Variants in CAMTA1 observed in about 807,000 individuals in gnomAD.
CAMTA1 encodes calmodulin binding transcription activator 1, also known as calmodulin-binding transcription activator 1.
In CAMTA1, 27 loss-of-function variants were observed where a neutral mutation model predicts 170.9. That is an observed-to-expected ratio of 0.16 (90% CI 0.12 to 0.22). The LOEUF (loss-of-function observed/expected upper bound fraction) is 0.22. Ranked by LOEUF, CAMTA1 falls within the 10% of genes least tolerant of loss-of-function variation. The pLI is 1.00. For missense variants in CAMTA1, 1,619 were observed against 2,217.2 expected, an observed-to-expected ratio of 0.73 and a Z score of 5.42; for synonymous variants, 833 against 891.5, an observed-to-expected ratio of 0.93 and a Z score of 1.17.
intron 6 of CAMTA1, among the ~76,000 whole-genome samples, chr1:7,600,788 C>T (rs1380484177): frequency 6.6e-6 from 1 of 151,980 alleles, no homozygotes; most frequent in Non-Finnish European, 1.5e-5. Context: ...TCAGAGAGCA[C>T]AGGGTTGGGG....
rs956513008 is a variant in CAMTA1, at chr1:7,455,743, G to C, written c.439-12087G>C. ...AGTAGTAACCACAGCCAGGAATCCC[G>C]GCAGTGCCAGCCCCGCAGACGCCTG... On this transcript the variant is annotated intron_variant, in intron 5 of 22. Coordinates refer to ENST00000303635, the MANE Select transcript of CAMTA1 (RefSeq NM_015215.4). This position sits in a 1 kb window ranked among gnomAD's most constrained non-coding sequence, Gnocchi z 5.0. Among the ~76,000 whole-genome samples the C allele has an allele frequency of 6.6e-6, 1 of 152,216 alleles. No individual in the cohort carries two copies. The highest frequency in any genetic ancestry group is 1.5e-5 in the Non-Finnish European group (1 of 68,046).
chr1:7,084,619 G>A (rs769902450), intron 3 of CAMTA1, among the ~76,000 whole-genome samples: 8 of 152,334 alleles, frequency 5.3e-5, no homozygotes, highest in Middle Eastern at 3.4e-3. Context: ...TCCTTGAAGC[G>A]TGTGCTATGG....
chr1:6,897,638 A>G (rs1675929640), intron 3 of CAMTA1, among the ~76,000 whole-genome samples: 1 of 152,116 alleles, frequency 6.6e-6, no homozygotes, highest in Non-Finnish European at 1.5e-5. Context: ...TCCCACAGAG[A>G]TTAATTAGAA....
intron 3 of CAMTA1, among the ~76,000 whole-genome samples, chr1:6,878,043 T>G (rs1288016230): frequency 1.3e-5 from 2 of 152,250 alleles, no homozygotes; most frequent in Non-Finnish European, 2.9e-5. Flanking sequence ...TGTGCAGAGA[T>G]ATATCTGTAA....
chr1:7,142,557 G>C (rs997786815), intron 4 of CAMTA1, among the ~76,000 whole-genome samples: 1 of 152,184 alleles, frequency 6.6e-6, no homozygotes, highest in African/African-American at 2.4e-5. Context: ...TCACGGGGTG[G>C]ATCCTTCATG....
intron 4 of CAMTA1, among the ~76,000 whole-genome samples, chr1:7,169,594 C>T (rs1445039737): frequency 3.3e-5 from 5 of 152,136 alleles, no homozygotes; most frequent in Admixed American, 3.3e-4. Context: ...TCACTGCAAT[C>T]TCTGCCTCCC....
rs1230948597 is a variant in CAMTA1 at position 7,588,162 on chromosome 1, C to T, written c.511-52238C>T. Among the ~76,000 whole-genome samples, 2 of 152,084 alleles carry T rather than the reference C, an allele frequency of 1.3e-5. No individual in the cohort carries two copies. Among genetic ancestry groups the T allele is most frequent in the Non-Finnish European group, 2.9e-5 (2 of 68,032 alleles). On this transcript the variant is annotated intron_variant, in intron 6 of 22. Coordinates refer to ENST00000303635, the MANE Select transcript of CAMTA1 (RefSeq NM_015215.4). This position sits in a 1 kb window ranked among gnomAD's most constrained non-coding sequence, Gnocchi z 5.8. Reference sequence around the variant, plus strand: ...TGGGATCCCACAGAAAGTCACAGGCCCTGCCCATTGGCAAGGTCTCTCTCT... The same window carrying T: ...TGGGATCCCACAGAAAGTCACAGGCTCTGCCCATTGGCAAGGTCTCTCTCT...
Position 6,787,302 on chromosome 1 carries a change from CTTG to C in CAMTA1, c.45+1732_45+1734del, listed in dbSNP as rs1284605536. ...CCTGGAAGAGGTTGCTTGTGTGCTC[CTTG>C]TTGTACTAGAACCTTCCTTTGGCTC... On this transcript the variant is annotated intron_variant, in intron 1 of 22. Coordinates refer to ENST00000303635, the MANE Select transcript of CAMTA1 (RefSeq NM_015215.4). Among the ~76,000 whole-genome samples, 15 of 152,322 alleles carry C rather than the reference CTTG, an allele frequency of 9.8e-5. 1 individual carries two copies. Among genetic ancestry groups the C allele is most frequent in the African/African-American group, 3.1e-4 (13 of 41,566 alleles).
intron 3 of CAMTA1, among the ~76,000 whole-genome samples, chr1:7,009,595 G>A (rs1370477463): frequency 6.6e-6 from 1 of 152,240 alleles, no homozygotes; most frequent in Non-Finnish European, 1.5e-5. Context: ...TCAGAAAGGG[G>A]CAAGCATCAC....
chr1:6,841,135 T>C (rs1212351682), intron 3 of CAMTA1, among the ~76,000 whole-genome samples: 1 of 152,216 alleles, frequency 6.6e-6, no homozygotes, highest in Non-Finnish European at 1.5e-5. Flanking sequence ...AGAGTCTTTG[T>C]GACCCTGCTC....
chr1:7,082,440 AATAGATAGATAGATAG>A (rs150422699), intron 3 of CAMTA1, among the ~76,000 whole-genome samples: 10 of 142,208 alleles, frequency 7.0e-5, no homozygotes, highest in African/African-American at 1.1e-4. Context: ...TGCATCTCGA[AATAGATAGATAGATAG>A]ATAGATAGAT....
Position 6,943,546 on chromosome 1 carries a change from T to G in CAMTA1, c.234+118336T>G, listed in dbSNP as rs574193462. On this transcript the variant is annotated intron_variant, in intron 3 of 22. Transcript: ENST00000303635. ...TTTCCTTTTTAAAGTTATTTTAAAT[T>G]GTGTTAAATACACATAACGGGGCCA... Among the ~76,000 whole-genome samples, 8 of 152,266 alleles carry G rather than the reference T, an allele frequency of 5.3e-5. No individual in the cohort carries two copies. In the South Asian group the frequency reaches 1.7e-3, roughly 32 times the overall value.
intron 3 of CAMTA1, 58 bp from the exon 4 acceptor site, chr1:7,091,246 C>T: frequency 7.8e-7 from 1 of 1,287,206 alleles, no homozygotes; most frequent in Non-Finnish European, 1.1e-6. Context: ...ACTTTCTTAC[C>T]TCTCAGGATC....
At chr1:7,208,838 C>G (rs1400192380) in intron 4 of CAMTA1, among the ~76,000 whole-genome samples, 1 of 152,154 alleles carries the variant, frequency 6.6e-6, no homozygotes, top group Non-Finnish European at 1.5e-5. Flanking sequence ...TGTGTTGTTT[C>G]ACATGTTAAA....
At chr1:7,272,496 A>C (rs1461450702) in intron 5 of CAMTA1, among the ~76,000 whole-genome samples, 2 of 152,104 alleles carry the variant, frequency 1.3e-5, no homozygotes, top group Non-Finnish European at 2.9e-5. Flanking sequence ...TTCAAAACTT[A>C]CTGTAAAGCT....
chr1:7,733,356 T>G (rs1206635425), intron 12 of CAMTA1, among the ~76,000 whole-genome samples: 1 of 152,244 alleles, frequency 6.6e-6, no homozygotes, highest in Non-Finnish European at 1.5e-5. Context: ...CATAAGCCTT[T>G]TATAAACTCA....
At chr1:7,423,367 G>C (rs550872689) in intron 5 of CAMTA1, among the ~76,000 whole-genome samples, 2 of 151,944 alleles carry the variant, frequency 1.3e-5, no homozygotes, top group Non-Finnish European at 2.9e-5. Flanking sequence ...CTACTTGGGA[G>C]GCTGAGGCAG....
At chr1:7,374,739 G>A (rs776390267) in intron 5 of CAMTA1, among the ~76,000 whole-genome samples, 8 of 152,350 alleles carry the variant, frequency 5.3e-5, no homozygotes, top group Non-Finnish European at 1.0e-4. Flanking sequence ...GTGCGTGGAA[G>A]TGAGGGCTCA....
intron 6 of CAMTA1, among the ~76,000 whole-genome samples, chr1:7,610,743 T>C (rs2095518294): frequency 6.6e-6 from 1 of 152,166 alleles, no homozygotes; most frequent in Non-Finnish European, 1.5e-5. Context: ...GCCTATGGCT[T>C]TTTCTTTCTT....
Sources: allele counts gnomAD v4.1 joint callset (sites outside exome capture counted in the v4.1 genomes callset), GRCh38; gene constraint gnomAD v4.1.1; non-coding constraint Gnocchi (gnomAD v3.1); transcripts MANE v1.5; gene names NCBI Gene and HGNC (gene_info 2026-07-23, HGNC 2026-07-21).